Variants in PIGL observed in about 807,000 individuals in gnomAD.
The protein encoded by PIGL is phosphatidylinositol glycan anchor biosynthesis class L.
Under a neutral mutation model 31.1 loss-of-function variants are expected in PIGL, and 22 were observed. The ratio of observed to expected loss-of-function variants is 0.71; its 90% CI spans 0.51 to 1.01. The LOEUF (loss-of-function observed/expected upper bound fraction) is 1.01, where lower values mean the gene tolerates loss of function less well. Among genes scored for constraint, PIGL ranks in the 50% least tolerant of loss-of-function variants. The pLI, the probability that PIGL is intolerant of heterozygous loss-of-function variation, is 0.00. For synonymous variants in PIGL, 131 were observed against 117.4 expected, an observed-to-expected ratio of 1.12 and a Z score of -0.75; for missense variants, 302 against 315.9, an observed-to-expected ratio of 0.96 and a Z score of 0.33.
At chr17:16,256,695 G>GTGTT (rs34187120) in intron 2 of PIGL, among the ~76,000 whole-genome samples, 79,549 of 149,632 alleles carry the variant, frequency 0.53, 21,814 homozygotes, top group African/African-American at 0.64. Flanking sequence ...TGTTTTTTGT[G>GTGTT]TGTTTGTTTG....
At chr17:16,323,574 C>T (rs1600872677) in intron 6 of PIGL, among the ~76,000 whole-genome samples, 1 of 144,188 alleles carries the variant, frequency 6.9e-6, no homozygotes, top group Admixed American at 6.9e-5. Context: ...AATTTAATTA[C>T]TTTGTGGTCA....
chr17:16,300,165 C>A, intron 3 of PIGL, 187 bp downstream of exon 3: 1 of 574,676 alleles, frequency 1.7e-6, no homozygotes, highest in Non-Finnish European at 3.1e-6. Flanking sequence ...CTTTTGATAT[C>A]TTTACGATCT....
At chr17:16,272,052 T>G (rs959274292) in intron 2 of PIGL, among the ~76,000 whole-genome samples, 2 of 152,202 alleles carry the variant, frequency 1.3e-5, no homozygotes, top group Non-Finnish European at 2.9e-5. Flanking sequence ...TTAACTGGCA[T>G]CTGCTATTGG....
In PIGL at chr17:16,317,720, A is replaced by T. The variant is rs2093084001; in HGVS notation, c.527-55A>T. On this transcript the variant is annotated intron_variant, in intron 5 of 6. Transcript: ENST00000225609. ...GGTAGAGGGAGGATGCTCAGGGGAA[A>T]ATCTGGCTGGAGGCCTCAAGGCTTA... is the stretch of plus-strand genomic sequence containing the variant. 2.5e-6 allele frequency: 4 copies of T among 1,609,174 alleles called. No homozygotes were observed. The South Asian group carries it at 3.3e-5, about 13-fold the overall frequency.
chr17:16,313,473 A>G (rs1028497849), intron 3 of PIGL, 74 bp from the exon 4 acceptor site: 33 of 1,060,662 alleles, frequency 3.1e-5, no homozygotes, highest in Non-Finnish European at 4.3e-5. Context: ...CTCCTTCCCA[A>G]GGGAAGGAGA....
At chr17:16,221,650 AG>A (rs556194169) in intron 1 of PIGL, among the ~76,000 whole-genome samples, 26 of 150,856 alleles carry the variant, frequency 1.7e-4, no homozygotes, top group Non-Finnish European at 3.5e-4. Flanking sequence ...TTTTGAGTCT[AG>A]CTCTGTCTCC....
At chr17:16,314,159 A>G (rs190717213) in intron 4 of PIGL, among the ~76,000 whole-genome samples, 11 of 152,354 alleles carry the variant, frequency 7.2e-5, no homozygotes, top group African/African-American at 2.4e-4. Context: ...ATAAAAAGAA[A>G]ATGCAAGCTC....
At chr17:16,313,932 G>A (rs767095661) in intron 4 of PIGL, among the ~76,000 whole-genome samples, 46 of 152,122 alleles carry the variant, frequency 3.0e-4, no homozygotes, top group Non-Finnish European at 5.3e-4. Context: ...GGCCAAATTT[G>A]CAAGCCCTGT....
intron 2 of PIGL, among the ~76,000 whole-genome samples, chr17:16,266,355 C>T (rs1442103596): frequency 3.6e-5 from 5 of 139,714 alleles, no homozygotes; most frequent in African/African-American, 1.3e-4. Flanking sequence ...CGCCATTGCA[C>T]TCCAGACTGG....
At position 16,297,922 on chromosome 17, in the gene PIGL, C is replaced by T. The variant is rs144510927; in HGVS notation, c.336-1966C>T. 8.5e-5 allele frequency among the ~76,000 whole-genome samples: 13 copies of T among 152,268 alleles called. No homozygotes were observed. In the East Asian group the frequency reaches 1.4e-3, roughly 16 times the overall value. On this transcript the variant is annotated intron_variant, in intron 2 of 6. Transcript: ENST00000225609. ...AGGCAGCACAGCAGGAGGTGAGTGACGGGCAAGCAAGCATTACTGCCTGAG... is the reference window on the plus strand; with the variant it reads ...AGGCAGCACAGCAGGAGGTGAGTGATGGGCAAGCAAGCATTACTGCCTGAG...
chr17:16,275,883 G>A (rs559445261), intron 2 of PIGL, among the ~76,000 whole-genome samples: 1 of 152,120 alleles, frequency 6.6e-6, no homozygotes, highest in South Asian at 2.1e-4. Flanking sequence ...AATTAGCCAG[G>A]TGTGGTGGTG....
At chr17:16,236,259 A>G (rs367594703) in intron 2 of PIGL, among the ~76,000 whole-genome samples, 2 of 152,324 alleles carry the variant, frequency 1.3e-5, no homozygotes, top group East Asian at 3.9e-4. Context: ...CCTAACTTTC[A>G]TTAGGAAATT....
At chr17:16,223,794 A>T (rs1253832046) in intron 1 of PIGL, among the ~76,000 whole-genome samples, 1 of 152,058 alleles carries the variant, frequency 6.6e-6, no homozygotes, top group Non-Finnish European at 1.5e-5. Context: ...TGGAGTCAGG[A>T]AAATCAATTC....
chr17:16,253,945 TAA>T (rs112234439), intron 2 of PIGL, among the ~76,000 whole-genome samples: 1 of 142,860 alleles, frequency 7.0e-6, no homozygotes, highest in Admixed American at 7.0e-5. Context: ...TTTGTCTAAG[TAA>T]AAAAAAAAAA....
At chr17:16,302,612 T>C (rs1333045336) in intron 3 of PIGL, among the ~76,000 whole-genome samples, 1 of 152,146 alleles carries the variant, frequency 6.6e-6, no homozygotes, top group Non-Finnish European at 1.5e-5. Context: ...TTTTCTTTTT[T>C]TTCTGTGAGA....
intron 1 of PIGL, among the ~76,000 whole-genome samples, chr17:16,223,305 G>T (rs1002438671): frequency 1.3e-5 from 2 of 152,028 alleles, no homozygotes; most frequent in African/African-American, 2.4e-5. Flanking sequence ...TTGGCCAGGC[G>T]CAGTGGCTCG....
At chr17:16,290,095 T>C (rs2092954003) in intron 2 of PIGL, among the ~76,000 whole-genome samples, 1 of 151,298 alleles carries the variant, frequency 6.6e-6, no homozygotes, top group Admixed American at 6.6e-5. Flanking sequence ...TTCTCTTTTT[T>C]TTAATTTTTT....
chr17:16,287,494 A>T (rs2142808640), intron 2 of PIGL, among the ~76,000 whole-genome samples: 1 of 152,242 alleles, frequency 6.6e-6, no homozygotes, highest in African/African-American at 2.4e-5. Flanking sequence ...TAAAGTACAC[A>T]CTAAGCCTTC....
intron 1 of PIGL, among the ~76,000 whole-genome samples, chr17:16,220,002 C>G (rs940427877): frequency 2.6e-5 from 4 of 151,998 alleles, no homozygotes; most frequent in Non-Finnish European, 5.9e-5. Flanking sequence ...TAAACTTACC[C>G]TTATTTTCAA....
Sources: gnomAD v4.1 joint callset for allele counts (sites outside exome capture counted in the v4.1 genomes callset) on GRCh38, gnomAD v4.1.1 for gene constraint, MANE v1.5 for transcripts, NCBI Gene and HGNC (gene_info 2026-07-23, HGNC 2026-07-21) for gene names.